MAX: variants seen among roughly 807,000 people sequenced by gnomAD.
The protein encoded by MAX is protein max.
Under a neutral mutation model 22.3 loss-of-function variants are expected in MAX, and 3 were observed. The observed-to-expected ratio is 0.13, with a 90% CI of 0.06 to 0.35. The LOEUF is 0.35. Ranked by LOEUF, MAX falls within the 10% of genes least tolerant of loss-of-function variation. The pLI is 1.00. For missense variants in MAX, 119 were observed against 209.4 expected (o/e 0.57, Z 2.66); for synonymous variants, 72 against 77.7 (o/e 0.93, Z 0.39).
At chr14:65,100,883 C>T (rs1124751) in intron 2 of MAX, among the ~76,000 whole-genome samples, 2 of 152,032 alleles carry the variant, frequency 1.3e-5, no homozygotes, top group Admixed American at 1.3e-4. Flanking sequence ...TGATAACACT[C>T]TATGGTCTCA....
chr14:65,085,484 G>C (rs538571979), intron 3 of MAX, among the ~76,000 whole-genome samples: 1 of 152,212 alleles, frequency 6.6e-6, no homozygotes, highest in Non-Finnish European at 1.5e-5. Context: ...TAGGTGAAGA[G>C]CTCTCTAGTA....
chr14:65,098,799 GA>G (rs1024823943), intron 2 of MAX, among the ~76,000 whole-genome samples: 5 of 152,094 alleles, frequency 3.3e-5, no homozygotes, highest in Non-Finnish European at 7.4e-5. Flanking sequence ...TGAAGCAATA[GA>G]AAAAAATATT....
Position 65,077,884 on chromosome 14 carries a change from C to T in MAX, c.295+29G>A. On this transcript the variant is annotated intron_variant, in intron 4 of 4. Transcript: ENST00000358664. The surrounding 1 kb of genome is among the most constrained non-coding windows in gnomAD (Gnocchi z 6.3). Reference sequence around the variant, plus strand: ...CTGACCTGGCTGGAGCACAGCAGGGCCAGCTGCCCCACGAGCTCGGGTGCT... The same window carrying T: ...CTGACCTGGCTGGAGCACAGCAGGGTCAGCTGCCCCACGAGCTCGGGTGCT... 1.2e-6 allele frequency: 2 copies of T among 1,614,218 alleles called. No individual in the cohort carries two copies. Among genetic ancestry groups the T allele is most frequent in the Non-Finnish European group, 1.7e-6 (2 of 1,180,032 alleles).
downstream of MAX, among the ~76,000 whole-genome samples, chr14:65,073,437 G>T (rs1222302643): frequency 2.6e-5 from 4 of 152,172 alleles, no homozygotes; most frequent in Non-Finnish European, 5.9e-5. Context: ...AATGGGGTTA[G>T]CGTATCAAGA....
downstream of MAX, among the ~76,000 whole-genome samples, chr14:65,073,349 G>GT (rs201981604): frequency 6.6e-6 from 1 of 152,168 alleles, no homozygotes; most frequent in Non-Finnish European, 1.5e-5. Context: ...ACTCAGTCTT[G>GT]TTTTTTAAAC....
intron 3 of MAX, among the ~76,000 whole-genome samples, chr14:65,020,001 G>C (rs765077105): frequency 1.3e-5 from 2 of 152,184 alleles, no homozygotes; most frequent in Non-Finnish European, 2.9e-5. Flanking sequence ...AGGTGACCTA[G>C]AGTCAAAAAG....
intron 2 of MAX, among the ~76,000 whole-genome samples, chr14:65,095,289 T>C (rs569392948): frequency 2.0e-5 from 3 of 152,352 alleles, no homozygotes; most frequent in Middle Eastern, 3.4e-3. Context: ...TTGGGGCAGA[T>C]GCCTGGAGCA....
At chr14:65,015,070 C>G (rs2061744371) in intron 3 of MAX, among the ~76,000 whole-genome samples, 4 of 151,248 alleles carry the variant, frequency 2.6e-5, no homozygotes, top group Admixed American at 6.6e-5. Flanking sequence ...TCAGGGTCAT[C>G]TTTTTTTTAA....
chr14:65,083,892 C>T (rs1027069323), intron 3 of MAX: 1 of 1,260,896 alleles, frequency 7.9e-7, no homozygotes. Context: ...GTGAATAAGC[C>T]ATCTTTTGAA....
intron 3 of MAX, among the ~76,000 whole-genome samples, chr14:65,083,395 G>A (rs908176122): frequency 6.6e-6 from 1 of 152,226 alleles, no homozygotes; most frequent in Non-Finnish European, 1.5e-5. Context: ...CTCATTTAAA[G>A]CAATGGTTCT....
rs1455304695 is a variant in MAX, at chr14:65,028,524, G to A, written c.172-22240C>T. ...CTGTCTTACTGCCTATGTGTAAATG[G>A]GTTTGCTTCTACACAAGTTGATTAA... On this transcript the variant is annotated intron_variant, in intron 3 of 3. Transcript: ENST00000341653. The surrounding 1 kb of genome is among the most constrained non-coding windows in gnomAD (Gnocchi z 4.4). Among the ~76,000 whole-genome samples the A allele has an allele frequency of 2.0e-5, 3 of 152,102 alleles. No homozygotes were observed. The highest frequency in any genetic ancestry group is 7.2e-5 in the African/African-American group (3 of 41,418).
intron 2 of MAX, chr14:65,094,258 G>A (rs768344807): frequency 4.1e-6 from 1 of 242,524 alleles, no homozygotes; most frequent in Non-Finnish European, 8.3e-6. Context: ...GGAAGAAAGA[G>A]TTAAGTCACT....
chr14:65,086,797 A>T (rs2063345770), intron 3 of MAX, among the ~76,000 whole-genome samples: 1 of 152,284 alleles, frequency 6.6e-6, no homozygotes, highest in African/African-American at 2.4e-5. Flanking sequence ...AGAGATTTGC[A>T]TAAGTAATGA....
At chr14:65,073,947 A>T (rs1289566879), downstream of MAX, among the ~76,000 whole-genome samples, 2 of 152,098 alleles carry the variant, frequency 1.3e-5, no homozygotes, top group Admixed American at 6.5e-5. Context: ...AGAAGCCTAA[A>T]CTCAATCCTT....
At position 65,032,806 on chromosome 14, in the gene MAX, C is replaced by G. The variant is rs1207002419; in HGVS notation, c.172-26522G>C. 5.8e-6 allele frequency: 6 copies of G among 1,026,922 alleles called. No individual in the cohort carries two copies. Among genetic ancestry groups the G allele is most frequent in the African/African-American group, 1.6e-5 (1 of 60,758 alleles). 63.6% of individuals were successfully genotyped at this position (1,026,922 alleles called of 1,614,324 possible). A position where few individuals can be genotyped will look rare whatever the true frequency, so the allele number is the denominator to read the frequency against. On this transcript the variant is annotated intron_variant, in intron 3 of 3. Coordinates refer to the MAX transcript ENST00000341653. The surrounding 1 kb of genome is among the most constrained non-coding windows in gnomAD (Gnocchi z 5.0). ...GACTTGGAAGGAAATACAAAAATCA[C>G]AGGAGATCCATTAGGGTTATCTAAT...
intron 3 of MAX, among the ~76,000 whole-genome samples, chr14:65,024,858 A>C (rs572319148): frequency 2.0e-5 from 3 of 152,158 alleles, no homozygotes; most frequent in Admixed American, 6.5e-5. Flanking sequence ...GCTTCAAGCA[A>C]TCCTCCTGCC....
At chr14:65,058,222 G>GT (rs984712073) in intron 3 of MAX, among the ~76,000 whole-genome samples, 108 of 139,782 alleles carry the variant, frequency 7.7e-4, no homozygotes, top group African/African-American at 2.2e-3. Context: ...GTCTTTCAGT[G>GT]TTTTTTTTAT....
chr14:65,049,410 G>T (rs958051334), intron 3 of MAX, among the ~76,000 whole-genome samples: 1 of 152,066 alleles, frequency 6.6e-6, no homozygotes, highest in Non-Finnish European at 1.5e-5. Context: ...GATTAGAATG[G>T]CGACCTATAA....
intron 3 of MAX, among the ~76,000 whole-genome samples, chr14:65,046,458 A>C (rs935953323): frequency 5.3e-5 from 8 of 152,332 alleles, no homozygotes; most frequent in African/African-American, 1.9e-4. Flanking sequence ...ACCACCTGTC[A>C]AAGTCTTCCA....
Sources: gnomAD v4.1 joint callset for allele counts (sites outside exome capture counted in the v4.1 genomes callset) on GRCh38, gnomAD v4.1.1 for gene constraint, Gnocchi (gnomAD v3.1) non-coding constraint, MANE v1.5 for transcripts, NCBI Gene and HGNC (gene_info 2026-07-23, HGNC 2026-07-21) for gene names.